The following FAM32A variants were observed in gnomAD, a reference collection of about 807,000 sequenced individuals.
The protein encoded by FAM32A is family with sequence similarity 32 member A.
In FAM32A, 9 loss-of-function variants were observed where a neutral mutation model predicts 15.8. That is an observed-to-expected ratio of 0.57 (90% CI 0.34 to 1.00). The LOEUF is 1.00. FAM32A is among the 50% of genes least tolerant of loss of function. The pLI is 0.02. For missense variants in FAM32A, 113 were observed against 138.3 expected (o/e 0.82, Z 0.92); for synonymous variants, 64 against 54.9 (o/e 1.16, Z -0.73).
At position 16,185,696 on chromosome 19, in the gene FAM32A, G is replaced by A. The variant is rs1454241142; in HGVS notation, c.147G>A (p.Glu49=). Residue 49 remains glutamate, a synonymous_variant, in exon 2 of 4, where the codon GAG becomes GAA. Coordinates refer to ENST00000263384, the MANE Select transcript of FAM32A (RefSeq NM_014077.4). ...EAMGTSKKNE[E]EKRRGLDKRT... The stretch of plus-strand genomic sequence containing the variant: ...TGGGAACGAGCAAAAAGAACGAGGA[G>A]GAGAAGCGGCGCGGCCTGGACAAGC... The A allele has an allele frequency of 1.9e-6, 3 of 1,571,764 alleles. No individual in the cohort carries two copies. In the South Asian group the frequency reaches 3.5e-5, roughly 18 times the overall value.
At chr19:16,187,929 A>G (rs999124176) in intron 2 of FAM32A, among the ~76,000 whole-genome samples, 4 of 151,702 alleles carry the variant, frequency 2.6e-5, no homozygotes, top group African/African-American at 4.9e-5. Context: ...TATTTTTAGT[A>G]GAGACGGGGT....
At position 16,187,022 on chromosome 19, in the gene FAM32A, A is replaced by C. The variant is rs552796621; in HGVS notation, c.216+1257A>C. ...TGTACGGTGACACTGGGGAAAATGG[A>C]CCTTGGGGACAATTAACTCCTTACT... On this transcript the variant is annotated intron_variant, in intron 2 of 3. Coordinates refer to ENST00000263384, the MANE Select transcript of FAM32A (RefSeq NM_014077.4). 6.6e-5 allele frequency among the ~76,000 whole-genome samples: 10 copies of C among 152,214 alleles called. No individual in the cohort carries two copies. In the East Asian group the frequency reaches 1.9e-3, roughly 29 times the overall value.
Position 16,185,482 on chromosome 19 carries a change from C to G in FAM32A, c.40C>G (p.Leu14Val), listed in dbSNP as rs1182853316. The change falls in exon 1 of 4, where the codon CTG becomes GTG. Residue 14 changes from leucine (L) to valine (V), a missense_variant. Coordinates refer to ENST00000263384, the MANE Select transcript of FAM32A (RefSeq NM_014077.4). ...GCAGGTCCAAAAGGGACCCCTGAAGCTGAAAGGCGTCGCAGAGCTGGGAGT... is the reference window on the plus strand; with the variant it reads ...GCAGGTCCAAAAGGGACCCCTGAAGGTGAAAGGCGTCGCAGAGCTGGGAGT... The part of the protein sequence containing the change: ...YEQVQKGPLK[L>V]KGVAELGVTK... The G allele has an allele frequency of 6.4e-7, 1 of 1,564,318 alleles. No individual in the cohort carries two copies. Among genetic ancestry groups the G allele is most frequent in the Non-Finnish European group, 8.7e-7 (1 of 1,153,880 alleles).
At chr19:16,189,980 C>G (rs183076473) in intron 2 of FAM32A, among the ~76,000 whole-genome samples, 1 of 152,226 alleles carries the variant, frequency 6.6e-6, no homozygotes, top group African/African-American at 2.4e-5. Flanking sequence ...ACACTCCCAG[C>G]TGCTACCAGA....
chr19:16,185,828 G>C (rs2091383715), intron 2 of FAM32A, 63 bp downstream of exon 2: 2 of 1,524,714 alleles, frequency 1.3e-6, no homozygotes, highest in African/African-American at 2.8e-5. Context: ...CTGGAAATTG[G>C]GGTCAGGGCT....
In FAM32A at chr19:16,189,943, A is replaced by C. The variant is rs191623693; in HGVS notation, c.217-577A>C. 1.2e-4 allele frequency among the ~76,000 whole-genome samples: 19 copies of C among 152,058 alleles called. No individual in the cohort carries two copies. In the East Asian group the frequency reaches 3.1e-3, roughly 25 times the overall value. ...CTTAGCCTCCCAAAGTGCTGGGATT[A>C]CAGGCATGAGCCACCGCGCCCAGCC... On this transcript the variant is annotated intron_variant, in intron 2 of 3. Transcript: ENST00000263384.
At chr19:16,188,749 C>T (rs771145826) in intron 2 of FAM32A, among the ~76,000 whole-genome samples, 77 of 152,280 alleles carry the variant, frequency 5.1e-4, no homozygotes, top group Non-Finnish European at 8.8e-4. Flanking sequence ...GGGCAGGGCA[C>T]TCGCCTTAGA....
rs71178652 is a variant in FAM32A at position 16,189,668 on chromosome 19, C to CTTTTTTTTTTTTTTTTTTTTTTTTT, written c.217-850_217-826dup. Among the ~76,000 whole-genome samples, 18 of 58,584 alleles carry CTTTTTTTTTTTTTTTTTTTTTTTTT rather than the reference C, an allele frequency of 3.1e-4. 2 individuals carry two copies. The highest frequency in any genetic ancestry group is 4.0e-4 in the Non-Finnish European group (13 of 32,432). The allele number at this position is 58,584 out of a possible 152,430, so 38.4% of individuals were successfully genotyped here. ...TGGCTTTATATCCCACACTCCAACT[C>CTTTTTTTTTTTTTTTTTTTTTTTTT]TTTTTTTTTTTTTTTTTTTTTTTTT... On this transcript the variant is annotated intron_variant, in intron 2 of 3. Transcript: ENST00000263384.
In FAM32A at chr19:16,185,436, G is replaced by C; in HGVS notation, c.-7G>C. On this transcript the variant is annotated 5_prime_UTR_variant, in exon 1 of 4. Coordinates refer to ENST00000263384, the MANE Select transcript of FAM32A (RefSeq NM_014077.4). ...GCACTCCAGCTACCGAAGCACTGGA[G>C]AGTGTCATGGAGGCCTACGAGCAGG... The C allele has an allele frequency of 6.4e-7, 1 of 1,555,554 alleles. No homozygotes were observed. Among genetic ancestry groups the C allele is most frequent in the Non-Finnish European group, 8.7e-7 (1 of 1,149,014 alleles).
At position 16,185,709 on chromosome 19, in the gene FAM32A, G is replaced by A. The variant is rs1273921287; in HGVS notation, c.160G>A (p.Gly54Ser). ...SKKNEEEKRRGLDKRTPAQAA... is the reference protein window; with the variant it reads ...SKKNEEEKRRSLDKRTPAQAA... ...AAAGAACGAGGAGGAGAAGCGGCGC[G>A]GCCTGGACAAGCGGACCCCGGCCCA... The change falls in exon 2 of 4, where the codon GGC (glycine) becomes AGC (serine). Residue 54 changes from glycine (G) to serine (S), a missense_variant. Gly to Ser is a moderately conservative substitution (Grantham distance 56). This residue lies in a region of FAM32A where 112 missense variants were observed against 118.6 expected (regional missense o/e 0.94). Transcript: ENST00000263384. 2 of 1,562,820 alleles carry A rather than the reference G, an allele frequency of 1.3e-6. No homozygotes were observed. The highest frequency in any genetic ancestry group is 3.9e-5 in the Admixed American group (2 of 51,872).
chr19:16,185,505 A>C lies in FAM32A; in HGVS notation c.63A>C (p.Gly21=), dbSNP rs1434741928. The change falls in exon 1 of 4, where the codon GGA becomes GGC. Residue 21 remains glycine, a synonymous_variant. Transcript: ENST00000263384. ...AGCTGAAAGGCGTCGCAGAGCTGGG[A>C]GTGACCAAGCGGTGAGGCCCGAGGG... ...PLKLKGVAEL[G]VTKRKKKKKD... The C allele has an allele frequency of 1.3e-6, 2 of 1,565,964 alleles. No individual in the cohort carries two copies. The highest frequency in any genetic ancestry group is 1.7e-6 in the Non-Finnish European group (2 of 1,154,644).
At chr19:16,185,964 C>T (rs559366475) in intron 2 of FAM32A, among the ~76,000 whole-genome samples, 199 bp downstream of exon 2, 91 of 152,266 alleles carry the variant, frequency 6.0e-4, no homozygotes, top group Non-Finnish European at 1.1e-3. Context: ...ACCCCGCTGG[C>T]CCGAGTGGGC....
At position 16,185,771 on chromosome 19, in the gene FAM32A, C is replaced by G. The variant is rs769871122; in HGVS notation, c.216+6C>G. 61 of 1,547,866 alleles carry G rather than the reference C, an allele frequency of 3.9e-5. No homozygotes were observed. The highest frequency in any genetic ancestry group is 2.2e-4 in the Admixed American group (11 of 49,702). On this transcript the variant is annotated splice_donor_region_variant and intron_variant, in intron 2 of 3. Transcript: ENST00000263384. ...AGAAAATGCAGGAGAAGCGGGTGAG[C>G]AGAAGCAGAAGGCGGCGGGGAGGCG...
intron 2 of FAM32A, among the ~76,000 whole-genome samples, chr19:16,189,668 C>CTGTTTTTTTTTTTTT (rs2091398291): frequency 1.7e-5 from 1 of 58,554 alleles, no homozygotes; most frequent in Non-Finnish European, 3.1e-5. Flanking sequence ...CACTCCAACT[C>CTGTTTTTTTTTTTTT]TTTTTTTTTT....
In FAM32A at chr19:16,188,808, TGAA is replaced by T; in HGVS notation, c.217-1710_217-1708del. ...TGACTGGACACAGGAGGTGAGGGAA[TGAA>T]GGAGAAGGGGGGGACAGAGAGGAGC... is the stretch of plus-strand genomic sequence containing the variant. On this transcript the variant is annotated intron_variant, in intron 2 of 3. Transcript: ENST00000263384. 3.9e-5 allele frequency among the ~76,000 whole-genome samples: 6 copies of T among 151,944 alleles called. 1 individual carries two copies. The highest frequency in any genetic ancestry group is 3.9e-4 in the Admixed American group (6 of 15,252).
In FAM32A at chr19:16,191,497, T is replaced by G. The variant is rs765448966; in HGVS notation, c.*542T>G. The G allele has an allele frequency of 6.4e-6, 1 of 156,250 alleles. No individual in the cohort carries two copies. The highest frequency in any genetic ancestry group is 1.4e-5 in the Non-Finnish European group (1 of 70,450). The allele number at this position is 156,250 out of a possible 1,614,324, so 9.7% of individuals were successfully genotyped here. On this transcript the variant is annotated 3_prime_UTR_variant, in exon 4 of 4. Coordinates refer to ENST00000263384, the MANE Select transcript of FAM32A (RefSeq NM_014077.4). ...ACTTCCTCCTCAGCCACCTGGCCAC[T>G]GAGACAGCATAGCCTGGGTAACGGA...
chr19:16,190,157 A>C (rs2091400353), intron 2 of FAM32A, among the ~76,000 whole-genome samples: 1 of 151,868 alleles, frequency 6.6e-6, no homozygotes, highest in African/African-American at 2.4e-5. Flanking sequence ...CAGACCCTTT[A>C]CCTCTCTCTT....
At chr19:16,188,364 G>A (rs909094423) in intron 2 of FAM32A, among the ~76,000 whole-genome samples, 1 of 152,164 alleles carries the variant, frequency 6.6e-6, no homozygotes, top group African/African-American at 2.4e-5. Context: ...GGGAAGGATT[G>A]CAGGTAAAGC....
In FAM32A at chr19:16,191,062, G is replaced by C; in HGVS notation, c.*107G>C. On this transcript the variant is annotated 3_prime_UTR_variant, in exon 4 of 4. Transcript: ENST00000263384. ...TGGAAACATGGCTACACACACCCTT[G>C]CATCTTCTGCTACAGACTGCTTTTC... The C allele has an allele frequency of 1.2e-6, 1 of 837,882 alleles. No homozygotes were observed. Among genetic ancestry groups the C allele is most frequent in the Non-Finnish European group, 2.0e-6 (1 of 493,550 alleles). The allele number at this position is 837,882 out of a possible 1,614,324, so 51.9% of individuals were successfully genotyped here.
Sources: gnomAD v4.1 joint callset for allele counts (sites outside exome capture counted in the v4.1 genomes callset) on GRCh38, gnomAD v4.1.1 for gene constraint, gnomAD v4.1.1 regional missense constraint, MANE v1.5 for transcripts, NCBI Gene and HGNC (gene_info 2026-07-23, HGNC 2026-07-21) for gene names.